CLCF1: variants seen among roughly 807,000 people sequenced by gnomAD.
The protein encoded by CLCF1 is cardiotrophin-like cytokine factor 1.
Under a neutral mutation model 21.2 loss-of-function variants are expected in CLCF1, and 10 were observed. The ratio of observed to expected loss-of-function variants is 0.47; its 90% confidence interval spans 0.29 to 0.80. CLCF1 has a LOEUF of 0.80. Ranked by LOEUF, CLCF1 falls within the 30% of genes least tolerant of loss-of-function variation. CLCF1 has a pLI of 0.09. For synonymous variants in CLCF1, 115 were observed against 120.5 expected (o/e 0.95, Z 0.30); for missense variants, 240 against 293.4 (o/e 0.82, Z 1.33).
In CLCF1 at chr11:67,373,596, G is replaced by A; in HGVS notation, c.-57C>T. 7.7e-7 allele frequency: 1 copy of A among 1,303,758 alleles called. No individual in the cohort carries two copies. The highest frequency in any genetic ancestry group is 9.8e-7 in the Non-Finnish European group (1 of 1,024,720). The allele number at this position is 1,303,758 out of a possible 1,614,324, so 80.8% of individuals were successfully genotyped here. A position where few individuals can be genotyped will look rare whatever the true frequency, so the allele number is the denominator to read the frequency against. On this transcript the variant is annotated 5_prime_UTR_variant, in exon 1 of 3. Transcript: ENST00000312438. ...CCTCTCCCGGAGGCTGGCGGAGTGG[G>A]AGGGCGAGCCGCGGCTCCGGCGAAG...
rs1287337989 is a variant in CLCF1 at position 67,364,650 on chromosome 11, C to T, written c.*486G>A. ...CTCATCTCTTTTTGTGTAGAATTGC[C>T]ACCATGTTTGTTTCCTGAATTGGAT... On this transcript the variant is annotated 3_prime_UTR_variant, in exon 3 of 3. Transcript: ENST00000312438. 5.6e-6 allele frequency: 1 copy of T among 178,846 alleles called. No individual in the cohort carries two copies. The highest frequency in any genetic ancestry group is 2.4e-5 in the African/African-American group (1 of 41,934). The allele number at this position is 178,846 out of a possible 1,614,324, so 11.1% of individuals were successfully genotyped here.
intron 2 of CLCF1, among the ~76,000 whole-genome samples, chr11:67,366,112 G>A (rs930857139): frequency 4.6e-5 from 7 of 152,176 alleles, no homozygotes; most frequent in African/African-American, 1.4e-4. Context: ...AAACACTGTC[G>A]GGCTTGGCAA....
At chr11:67,367,692 C>A in intron 1 of CLCF1, 66 bp from the exon 2 acceptor site, 1 of 1,570,284 alleles carries the variant, frequency 6.4e-7, no homozygotes, top group Non-Finnish European at 8.6e-7. Flanking sequence ...AGCTGGCAGC[C>A]CCTCAGGTGT....
In CLCF1 at chr11:67,373,556, C is replaced by T; in HGVS notation, c.-17G>A. 2 of 1,378,246 alleles carry T rather than the reference C, an allele frequency of 1.5e-6. No homozygotes were observed. The highest frequency in any genetic ancestry group is 1.9e-6 in the Non-Finnish European group (2 of 1,066,080). 85.4% of individuals were successfully genotyped at this position (1,378,246 alleles called of 1,614,324 possible). On this transcript the variant is annotated 5_prime_UTR_variant, in exon 1 of 3. Coordinates refer to ENST00000312438, the MANE Select transcript of CLCF1 (RefSeq NM_013246.3). ...GAGGTCCATGGGGCTGGGGCCGGGC[C>T]GGCCGGGTGCGGCTCCTCTCCCGGA... is the stretch of plus-strand genomic sequence containing the variant.
At chr11:67,368,031 T>A (rs1862153510) in intron 1 of CLCF1, 5 of 980,800 alleles carry the variant, frequency 5.1e-6, no homozygotes, top group Non-Finnish European at 6.0e-6. Context: ...CAGTCTTCAG[T>A]CCCACTGCAG....
chr11:67,373,845 G>T (rs564868192), upstream of CLCF1: 267 of 1,026,454 alleles, frequency 2.6e-4, no homozygotes, highest in African/African-American at 4.1e-3. Context: ...AGCACCGAGG[G>T]GGGGTGAGGT....
In CLCF1 at chr11:67,364,974, G is replaced by A. The variant is rs1235449070; in HGVS notation, c.*162C>T. 2.6e-6 allele frequency: 3 copies of A among 1,148,442 alleles called. No homozygotes were observed. Among genetic ancestry groups the A allele is most frequent in the Non-Finnish European group, 3.7e-6 (3 of 817,652 alleles). The allele number at this position is 1,148,442 out of a possible 1,614,324, so 71.1% of individuals were successfully genotyped here. A position where few individuals can be genotyped will look rare whatever the true frequency, so the allele number is the denominator to read the frequency against. ...AGCTCGGTAGACCTTTGGGAGGTGGGGAGGAGACAGGGCTGATCGCATCAC... is the reference window on the plus strand; with the variant it reads ...AGCTCGGTAGACCTTTGGGAGGTGGAGAGGAGACAGGGCTGATCGCATCAC... On this transcript the variant is annotated 3_prime_UTR_variant, in exon 3 of 3. Transcript: ENST00000312438.
intron 1 of CLCF1, chr11:67,368,293 C>G: frequency 3.0e-6 from 3 of 985,316 alleles, no homozygotes; most frequent in Non-Finnish European, 3.6e-6. Flanking sequence ...AGTGCTCACT[C>G]TCAGGGAACG....
intron 1 of CLCF1, 64 bp from the exon 2 acceptor site, chr11:67,367,690 G>GC: frequency 6.4e-7 from 1 of 1,572,874 alleles, no homozygotes; most frequent in Non-Finnish European, 8.6e-7. Flanking sequence ...GCAGCTGGCA[G>GC]CCCCTCAGGT....
chr11:67,367,663 C>T (rs758844365), intron 1 of CLCF1, 37 bp from the exon 2 acceptor site: 7 of 1,593,880 alleles, frequency 4.4e-6, no homozygotes, highest in Non-Finnish European at 6.0e-6. Context: ...GAGCGCGGCC[C>T]GGGCCCACAC....
chr11:67,367,993 G>A, intron 1 of CLCF1: 1 of 984,416 alleles, frequency 1.0e-6, no homozygotes, highest in Non-Finnish European at 1.2e-6. Context: ...CGACCTGCCT[G>A]TGTTCCAGTT....
At chr11:67,369,438 C>T (rs1166375468) in intron 1 of CLCF1, 1 of 985,288 alleles carries the variant, frequency 1.0e-6, no homozygotes, top group African/African-American at 1.7e-5. Context: ...TGGCTTCCTC[C>T]TGGACGCTGC....
Position 67,365,611 on chromosome 11 carries a change from G to T in CLCF1, c.203C>A (p.Pro68His). The change falls in exon 3 of 3, where the codon CCT becomes CAT. Residue 68 changes from proline (P) to histidine (H), a missense_variant. Pro to His is a moderately conservative substitution (Grantham distance 77, BLOSUM62 -2). Transcript: ENST00000312438. This position sits in a 1 kb window ranked among gnomAD's most constrained non-coding sequence, Gnocchi z 5.0. Reference sequence around the variant, plus strand: ...AGGGTTGAAGTCTGGCTCGTTGAAAGGGGGGCCCAGGTAGTTCAGCTGTGA... The same window carrying T: ...AGGGTTGAAGTCTGGCTCGTTGAAATGGGGGCCCAGGTAGTTCAGCTGTGA... ...AGTYLNYLGPPFNEPDFNPPR... is the reference protein window; with the variant it reads ...AGTYLNYLGPHFNEPDFNPPR... 1 of 1,611,816 alleles carries T rather than the reference G, an allele frequency of 6.2e-7. No individual in the cohort carries two copies. Among genetic ancestry groups the T allele is most frequent in the South Asian group, 1.1e-5 (1 of 90,998 alleles).
chr11:67,370,382 C>T (rs978799702), intron 1 of CLCF1: 9 of 975,988 alleles, frequency 9.2e-6, no homozygotes, highest in African/African-American at 8.8e-5. Context: ...GTCCCCCTCT[C>T]CCCCTCCCCA....
At chr11:67,373,822 C>G, upstream of CLCF1, 1 of 1,079,934 alleles carries the variant, frequency 9.3e-7, no homozygotes. Context: ...CTGGGGCTCC[C>G]TCTCCCTCCC....
intron 1 of CLCF1, chr11:67,368,826 T>G (rs1057110341): frequency 2.0e-6 from 2 of 984,910 alleles, no homozygotes; most frequent in African/African-American, 3.5e-5. Context: ...GCTTGTCATG[T>G]TATGAAGAGC....
chr11:67,364,897 C>G lies in CLCF1; in HGVS notation c.*239G>C, dbSNP rs1281893852. ...CTGAACCACTTCACACTCCCTCGAG[C>G]ATGACTTCCTGTAGAAACAGGACAG... is the stretch of plus-strand genomic sequence containing the variant. On this transcript the variant is annotated 3_prime_UTR_variant, in exon 3 of 3. Coordinates refer to ENST00000312438, the MANE Select transcript of CLCF1 (RefSeq NM_013246.3). 31 of 609,170 alleles carry G rather than the reference C, an allele frequency of 5.1e-5. No homozygotes were observed. Among genetic ancestry groups the G allele is most frequent in the Non-Finnish European group, 7.0e-5 (25 of 358,544 alleles). 37.7% of individuals were successfully genotyped at this position (609,170 alleles called of 1,614,324 possible).
chr11:67,370,511 AACG>A (rs1203927007), intron 1 of CLCF1: 1 of 974,934 alleles, frequency 1.0e-6, no homozygotes, highest in Non-Finnish European at 1.2e-6. Flanking sequence ...GTGAGGAGCT[AACG>A]AGTACAGCTC....
Position 67,369,487 on chromosome 11 carries a change from A to G in CLCF1, c.17-1861T>C, listed in dbSNP as rs891173005. 8.1e-6 allele frequency: 8 copies of G among 985,188 alleles called. No individual in the cohort carries two copies. In the African/African-American group the frequency reaches 1.4e-4, roughly 17 times the overall value. The allele number at this position is 985,188 out of a possible 1,614,324, so 61.0% of individuals were successfully genotyped here. A position where few individuals can be genotyped will look rare whatever the true frequency, so the allele number is the denominator to read the frequency against. On this transcript the variant is annotated intron_variant, in intron 1 of 2. Coordinates refer to ENST00000312438, the MANE Select transcript of CLCF1 (RefSeq NM_013246.3). ...CCTTTCTATCCCCAGCTCTTGCCTG[A>G]CTCAGTTCCTTTCTCCTCCCTGCTC...
Sources: allele counts gnomAD v4.1 joint callset (sites outside exome capture counted in the v4.1 genomes callset), GRCh38; gene constraint gnomAD v4.1.1; non-coding constraint Gnocchi (gnomAD v3.1); transcripts MANE v1.5; gene names NCBI Gene and HGNC (gene_info 2026-07-23, HGNC 2026-07-21).